The following DBF4 variants were observed in gnomAD, a reference collection of about 807,000 sequenced individuals.
DBF4 encodes protein DBF4 homolog A.
Under a neutral mutation model 76.6 loss-of-function variants are expected in DBF4, and 25 were observed. The ratio of observed to expected loss-of-function variants is 0.33; its 90% CI spans 0.24 to 0.46. DBF4 has a LOEUF of 0.46. Ranked by LOEUF, DBF4 falls within the 20% of genes least tolerant of loss-of-function variation. The pLI is 1.00. For synonymous variants in DBF4, 213 were observed against 258.0 expected (o/e 0.83, Z 1.67); for missense variants, 638 against 760.8 (o/e 0.84, Z 1.90).
Position 87,876,680 on chromosome 7 carries a change from T to C in DBF4, c.-53T>C. 9 of 1,607,302 alleles carry C rather than the reference T, an allele frequency of 5.6e-6. No homozygotes were observed. The highest frequency in any genetic ancestry group is 6.8e-6 in the Non-Finnish European group (8 of 1,176,420). On this transcript the variant is annotated 5_prime_UTR_variant, in exon 1 of 12. Transcript: ENST00000265728. ...CCGGGGGAAGCCGTGCTTTCGCGGCTGCCCGGTGCGACACTTTCTCCGGAC... is the reference window on the plus strand; with the variant it reads ...CCGGGGGAAGCCGTGCTTTCGCGGCCGCCCGGTGCGACACTTTCTCCGGAC...
chr7:87,904,006 T>A (rs905930075), intron 10 of DBF4, among the ~76,000 whole-genome samples: 3 of 152,184 alleles, frequency 2.0e-5, no homozygotes, highest in African/African-American at 7.2e-5. Flanking sequence ...TGTGTCTTCG[T>A]TTTCTGACAC....
At chr7:87,899,471 G>A (rs866164935) in intron 8 of DBF4, among the ~76,000 whole-genome samples, 2 of 152,040 alleles carry the variant, frequency 1.3e-5, no homozygotes, top group African/African-American at 4.8e-5. Flanking sequence ...TTTTTCCAGA[G>A]GTGATACACA....
chr7:87,900,197 G>A, intron 8 of DBF4, 24 bp from the exon 9 acceptor site: 2 of 1,548,006 alleles, frequency 1.3e-6, no homozygotes, highest in Admixed American at 1.8e-5. Context: ...AGAATCTCAT[G>A]TATTTGTCTT....
intron 5 of DBF4, 28 bp from the exon 6 acceptor site, chr7:87,887,955 T>C: frequency 1.3e-6 from 2 of 1,512,758 alleles, no homozygotes; most frequent in Non-Finnish European, 1.8e-6. Context: ...AAATTGCTAA[T>C]CTTAAAACCT....
intron 7 of DBF4, 43 bp from the exon 8 acceptor site, chr7:87,897,250 AT>A: frequency 6.5e-7 from 1 of 1,545,976 alleles, no homozygotes; most frequent in South Asian, 1.2e-5. Context: ...AAAAAAAAGA[AT>A]CCTGAATTTG....
intron 6 of DBF4, among the ~76,000 whole-genome samples, chr7:87,892,733 T>C (rs778723373): frequency 6.6e-6 from 1 of 152,228 alleles, no homozygotes; most frequent in African/African-American, 2.4e-5. Context: ...TGCTGATAGG[T>C]TGGATTTTCA....
At chr7:87,886,639 C>T (rs1839362382) in intron 3 of DBF4, among the ~76,000 whole-genome samples, 1 of 150,908 alleles carries the variant, frequency 6.6e-6, no homozygotes. Context: ...AAAATGTAAG[C>T]CAATTAATTA....
intron 2 of DBF4, 22 bp from the exon 3 acceptor site, chr7:87,884,951 TAAATAA>T (rs1469329049): frequency 6.4e-7 from 1 of 1,551,206 alleles, no homozygotes; most frequent in Admixed American, 1.8e-5. Context: ...AACAAATTTA[TAAATAA>T]AAATACTTTG....
Position 87,908,567 on chromosome 7 carries a change from T to C in DBF4, c.*404T>C, listed in dbSNP as rs1324280204. On this transcript the variant is annotated 3_prime_UTR_variant, in exon 12 of 12. Coordinates refer to ENST00000265728, the MANE Select transcript of DBF4 (RefSeq NM_006716.4). ...CTTGCCTTGAAAAACCTAAATTTCA[T>C]ACAGAAAGGAAAAATACATTTCTAT... 1 of 154,250 alleles carries C rather than the reference T, an allele frequency of 6.5e-6. No homozygotes were observed. The highest frequency in any genetic ancestry group is 1.4e-5 in the Non-Finnish European group (1 of 69,442). 9.6% of individuals were successfully genotyped at this position (154,250 alleles called of 1,614,324 possible). A position where few individuals can be genotyped will look rare whatever the true frequency, so the allele number is the denominator to read the frequency against.
intron 1 of DBF4, among the ~76,000 whole-genome samples, chr7:87,877,129 G>T (rs1839079223): frequency 1.3e-5 from 2 of 152,234 alleles, no homozygotes; most frequent in South Asian, 4.1e-4. Context: ...GCCCTTGGAG[G>T]CGACGGACTG....
Position 87,885,178 on chromosome 7 carries a change from T to C in DBF4, c.399+20T>C. 1.3e-6 allele frequency: 2 copies of C among 1,574,208 alleles called. No individual in the cohort carries two copies. Among genetic ancestry groups the C allele is most frequent in the Non-Finnish European group, 1.7e-6 (2 of 1,157,322 alleles). Reference sequence around the variant, plus strand: ...GACACAGTAAGTCTCTTAAATATGCTTTGAGACTCAGAAGGGCTATATCCT... The same window carrying C: ...GACACAGTAAGTCTCTTAAATATGCCTTGAGACTCAGAAGGGCTATATCCT... On this transcript the variant is annotated intron_variant, in intron 3 of 11. Coordinates refer to ENST00000265728, the MANE Select transcript of DBF4 (RefSeq NM_006716.4).
rs556392082 is a variant in DBF4, at chr7:87,880,821, T to C, written c.219+2596T>C. 1.7e-4 allele frequency among the ~76,000 whole-genome samples: 26 copies of C among 152,202 alleles called. 1 individual carries two copies. In the South Asian group the frequency reaches 5.4e-3, roughly 32 times the overall value. Reference sequence around the variant, plus strand: ...AAGAAAAGTAGGTGTTACAGAACCATCTAAGGAGGACATGGGATCAGCCAC... The same window carrying C: ...AAGAAAAGTAGGTGTTACAGAACCACCTAAGGAGGACATGGGATCAGCCAC... On this transcript the variant is annotated intron_variant, in intron 2 of 11. Transcript: ENST00000265728.
chr7:87,885,564 A>G (rs1839325848), intron 3 of DBF4, among the ~76,000 whole-genome samples: 2 of 152,214 alleles, frequency 1.3e-5, no homozygotes, highest in Admixed American at 6.5e-5. Context: ...CATGGTTTTT[A>G]CATTTTCAAA....
chr7:87,905,376 A>G (rs1839892316), intron 11 of DBF4, among the ~76,000 whole-genome samples: 1 of 152,204 alleles, frequency 6.6e-6, no homozygotes, highest in Non-Finnish European at 1.5e-5. Context: ...ATTTACTCAG[A>G]CTAAAACATT....
intron 5 of DBF4, 60 bp downstream of exon 5, chr7:87,887,458 T>A: frequency 1.3e-6 from 2 of 1,485,762 alleles, no homozygotes. Context: ...GTCTGTCCTT[T>A]GGTTCCTGAC....
At chr7:87,882,878 A>G (rs1839251805) in intron 2 of DBF4, among the ~76,000 whole-genome samples, 1 of 152,182 alleles carries the variant, frequency 6.6e-6, no homozygotes, top group African/African-American at 2.4e-5. Context: ...TATAGCCACC[A>G]TACAAAATAG....
At position 87,908,175 on chromosome 7, in the gene DBF4, T is replaced by C; in HGVS notation, c.*12T>C. ...TTACTGGCTTTTAGAATTTAAAAAA[T>C]GCATACTTTTCAGAAGTGATAAGGA... On this transcript the variant is annotated 3_prime_UTR_variant, in exon 12 of 12. Transcript: ENST00000265728. The C allele has an allele frequency of 6.5e-7, 1 of 1,534,816 alleles. No homozygotes were observed.
intron 6 of DBF4, among the ~76,000 whole-genome samples, chr7:87,893,024 G>T (rs1481627406): frequency 6.6e-6 from 1 of 152,152 alleles, no homozygotes; most frequent in African/African-American, 2.4e-5. Flanking sequence ...TTGTTTACAA[G>T]TCAGTTAGAT....
At chr7:87,881,884 T>G (rs1456512568) in intron 2 of DBF4, among the ~76,000 whole-genome samples, 1 of 152,200 alleles carries the variant, frequency 6.6e-6, no homozygotes, top group Non-Finnish European at 1.5e-5. Flanking sequence ...TCTTGAAGTC[T>G]TAGTTAGCAA....
Sources: gnomAD v4.1 joint callset for allele counts (sites outside exome capture counted in the v4.1 genomes callset) on GRCh38, gnomAD v4.1.1 for gene constraint, MANE v1.5 for transcripts, NCBI Gene and HGNC (gene_info 2026-07-23, HGNC 2026-07-21) for gene names.